Variants in NR3C2 observed in about 807,000 individuals in gnomAD.
NR3C2 encodes the protein nuclear receptor subfamily 3 group C member 2, also known as mineralocorticoid receptor.
A neutral mutation model predicts 86.4 loss-of-function variants in NR3C2; 15 were observed. That is an observed-to-expected ratio of 0.17 (90% CI 0.12 to 0.27). The LOEUF (loss-of-function observed/expected upper bound fraction) is 0.27. NR3C2 is among the 10% of genes least tolerant of loss of function. The probability of loss-of-function intolerance (pLI) is 1.00; values close to 1 mark genes in which losing one functional copy is unlikely to be tolerated. For missense variants in NR3C2, 960 were observed against 1,195.6 expected (o/e 0.80, Z 2.91); for synonymous variants, 458 against 450.5 (o/e 1.02, Z -0.21).
intron 6 of NR3C2, among the ~76,000 whole-genome samples, chr4:148,120,891 G>A (rs1391273953): frequency 6.6e-6 from 1 of 152,112 alleles, no homozygotes; most frequent in African/African-American, 2.4e-5. Flanking sequence ...AGGGAGTTTG[G>A]CACAACATAT....
intron 2 of NR3C2, among the ~76,000 whole-genome samples, chr4:148,376,101 T>G (rs1450638596): frequency 6.6e-6 from 1 of 151,276 alleles, no homozygotes; most frequent in Non-Finnish European, 1.5e-5. Context: ...AATAACGTTA[T>G]TCTGCTTATT....
Position 148,349,336 on chromosome 4 carries a change from A to AT in NR3C2, c.1757+85767dup, listed in dbSNP as rs578051200. Among the ~76,000 whole-genome samples the AT allele has an allele frequency of 2.3e-3, 335 of 148,844 alleles. 2 individuals carry two copies. The highest frequency in any genetic ancestry group is 3.4e-3 in the Middle Eastern group (1 of 290). ...GATCTTTTTATTTGGCTGACTCTCT[A>AT]TTTTTTTTTTCTAGTTTCATTATGT... On this transcript the variant is annotated intron_variant, in intron 2 of 8. Transcript: ENST00000358102.
chr4:148,152,424 T>A (rs1734144092), intron 6 of NR3C2, 45 bp downstream of exon 6: 1 of 1,586,918 alleles, frequency 6.3e-7, no homozygotes, highest in African/African-American at 1.3e-5. Context: ...TCATAACGCA[T>A]AACTCTGCAG....
chr4:148,440,264 T>TAATTAAATTTTAATTAG (rs1750272030), intron 1 of NR3C2, among the ~76,000 whole-genome samples: 2 of 152,348 alleles, frequency 1.3e-5, no homozygotes, highest in East Asian at 3.9e-4. Context: ...AATTAGTCTT[T>TAATTAAATTTTAATTAG]TCTGTAAACA....
chr4:148,284,870 C>A (rs571166560), intron 2 of NR3C2, among the ~76,000 whole-genome samples: 1 of 152,160 alleles, frequency 6.6e-6, no homozygotes. Flanking sequence ...TTTACTCAGT[C>A]CTACAAAAAA....
intron 2 of NR3C2, among the ~76,000 whole-genome samples, chr4:148,304,832 T>C (rs907747569): frequency 6.6e-6 from 1 of 151,786 alleles, no homozygotes; most frequent in Non-Finnish European, 1.5e-5. Flanking sequence ...GAGTCTGGCC[T>C]CTTCAGCTCC....
chr4:148,412,589 CCTTT>C lies in NR3C2; in HGVS notation c.1757+22511_1757+22514del, dbSNP rs142514069. On this transcript the variant is annotated intron_variant, in intron 2 of 8. Transcript: ENST00000358102. ...GAAGGAGTAAAAAAAAATGCTCCTT[CCTTT>C]ATTAGGAACAAAAATTAGCTTCATC... Among the ~76,000 whole-genome samples the C allele has an allele frequency of 3.6e-3, 552 of 152,108 alleles. 2 individuals are homozygous for C. The highest frequency in any genetic ancestry group is 6.7e-3 in the Non-Finnish European group (456 of 67,968).
At chr4:148,213,926 A>G (rs1467582586) in intron 3 of NR3C2, among the ~76,000 whole-genome samples, 3 of 152,240 alleles carry the variant, frequency 2.0e-5, no homozygotes, top group African/African-American at 7.2e-5. Context: ...TGAAGCTTGA[A>G]TATTAAATAC....
At chr4:148,111,832 G>A (rs1234139529) in intron 8 of NR3C2, among the ~76,000 whole-genome samples, 2 of 152,202 alleles carry the variant, frequency 1.3e-5, no homozygotes, top group Non-Finnish European at 2.9e-5. Context: ...AGGAGAAGGA[G>A]TGTAGGTGGA....
chr4:148,154,112 G>A (rs1734233442), intron 5 of NR3C2, among the ~76,000 whole-genome samples: 2 of 151,634 alleles, frequency 1.3e-5, no homozygotes, highest in African/African-American at 2.4e-5. Flanking sequence ...AGGTTCAAGC[G>A]ATTCTCCTGC....
At chr4:148,133,781 G>C (rs948016980) in intron 6 of NR3C2, among the ~76,000 whole-genome samples, 2 of 152,208 alleles carry the variant, frequency 1.3e-5, no homozygotes, top group African/African-American at 4.8e-5. Context: ...GCAGAGAGTG[G>C]CTCACATGGG....
chr4:148,219,747 C>T (rs762310258), intron 3 of NR3C2, among the ~76,000 whole-genome samples: 89 of 152,188 alleles, frequency 5.8e-4, no homozygotes, highest in African/African-American at 1.9e-3. Context: ...TATAAAACAA[C>T]GGCATTTTCT....
chr4:148,147,014 C>T, intron 6 of NR3C2, among the ~76,000 whole-genome samples: 1 of 152,078 alleles, frequency 6.6e-6, no homozygotes, highest in Non-Finnish European at 1.5e-5. Flanking sequence ...AATTTGAATA[C>T]TTGCAGCGAT....
upstream of NR3C2, chr4:148,445,057 C>T: frequency 1.0e-6 from 1 of 957,504 alleles, no homozygotes. Context: ...CGTCCGGCCA[C>T]CCGCGGGTGG....
chr4:148,105,950 C>G (rs1348693826), intron 8 of NR3C2, among the ~76,000 whole-genome samples: 5 of 152,066 alleles, frequency 3.3e-5, no homozygotes, highest in Admixed American at 2.0e-4. Flanking sequence ...TGGAAGGATT[C>G]CCTTTGAAAA....
Position 148,192,618 on chromosome 4 carries a change from C to T in NR3C2, c.2014+2128G>A, listed in dbSNP as rs374413863. On this transcript the variant is annotated intron_variant, in intron 4 of 8. Coordinates refer to ENST00000358102, the MANE Select transcript of NR3C2 (RefSeq NM_000901.5). ...CATCAGGTGGGGGTATGGCTAGGCA[C>T]GTCTGAGCTCAGACTCTCCTTGGGT... Among the ~76,000 whole-genome samples, 4 of 149,770 alleles carry T rather than the reference C, an allele frequency of 2.7e-5. No individual in the cohort carries two copies. In the East Asian group the frequency reaches 7.9e-4, roughly 30 times the overall value.
chr4:148,278,928 T>C lies in NR3C2; in HGVS notation c.1758-18811A>G, dbSNP rs531811958. Among the ~76,000 whole-genome samples, 230 of 151,784 alleles carry C rather than the reference T, an allele frequency of 1.5e-3. 2 individuals are homozygous for C. The highest frequency in any genetic ancestry group is 5.3e-3 in the African/African-American group (221 of 41,390). Reference sequence around the variant, plus strand: ...CTGTAATCCCAGCACTTTGGGAGGCTGAGACGGGTAGATCACCTGAGGTCA... The same window carrying C: ...CTGTAATCCCAGCACTTTGGGAGGCCGAGACGGGTAGATCACCTGAGGTCA... On this transcript the variant is annotated intron_variant, in intron 2 of 8. Transcript: ENST00000358102.
At chr4:148,201,875 C>T (rs1041445779) in intron 3 of NR3C2, among the ~76,000 whole-genome samples, 8 of 152,144 alleles carry the variant, frequency 5.3e-5, no homozygotes, top group Non-Finnish European at 7.3e-5. Context: ...CATGGCTGAT[C>T]GTCAGGGTAG....
At chr4:148,272,879 G>A (rs1740760474) in intron 2 of NR3C2, among the ~76,000 whole-genome samples, 1 of 152,086 alleles carries the variant, frequency 6.6e-6, no homozygotes, top group African/African-American at 2.4e-5. Context: ...GCAAAAAAAA[G>A]AAAAAGACTT....
Sources: allele counts gnomAD v4.1 joint callset (sites outside exome capture counted in the v4.1 genomes callset), GRCh38; gene constraint gnomAD v4.1.1; transcripts MANE v1.5; gene names NCBI Gene and HGNC (gene_info 2026-07-23, HGNC 2026-07-21).